Variants in CNTLN observed in about 807,000 individuals in gnomAD.
CNTLN encodes the protein centlein, centrosomal protein.
A neutral mutation model predicts 180.0 loss-of-function variants in CNTLN; 212 were observed. The observed-to-expected ratio is 1.18, with a 90% CI of 1.05 to 1.32. CNTLN has a LOEUF of 1.32. Ranked by LOEUF, CNTLN falls within the 40% of genes most tolerant of loss-of-function variation. The pLI is 0.00. For missense variants in CNTLN, 2,095 were observed against 1,610.9 expected, an observed-to-expected ratio of 1.30 and a Z score of -5.14; for synonymous variants, 722 against 563.1, an observed-to-expected ratio of 1.28 and a Z score of -3.99.
intron 3 of CNTLN, among the ~76,000 whole-genome samples, chr9:17,233,438 C>T (rs1456953768): frequency 6.6e-6 from 1 of 151,944 alleles, no homozygotes; most frequent in Non-Finnish European, 1.5e-5. Context: ...GTGCCTATTA[C>T]CTTGATATTT....
At chr9:17,166,740 A>G (rs1022620410) in intron 2 of CNTLN, 5 of 266,258 alleles carry the variant, frequency 1.9e-5, no homozygotes, top group Admixed American at 5.8e-5. Flanking sequence ...AACCAGCCAG[A>G]TATTAATCAA....
chr9:17,257,082 C>T lies in CNTLN; in HGVS notation c.850-16651C>T, dbSNP rs537620790. Among the ~76,000 whole-genome samples the T allele has an allele frequency of 1.1e-4, 16 of 151,988 alleles. No individual in the cohort carries two copies. The South Asian group carries it at 1.7e-3, about 16-fold the overall frequency. ...TGCTGGTGCACTGCACCCACTAACT[C>T]GTCATCTAGCATTAGGTATATCTCC... On this transcript the variant is annotated intron_variant, in intron 5 of 25. Coordinates refer to ENST00000380647, the MANE Select transcript of CNTLN (RefSeq NM_017738.4).
intron 8 of CNTLN, among the ~76,000 whole-genome samples, chr9:17,320,665 G>C (rs1397568601): frequency 1.3e-5 from 2 of 152,000 alleles, no homozygotes; most frequent in Non-Finnish European, 2.9e-5. Flanking sequence ...TCCACACCTG[G>C]CTAGTTTTTG....
intron 3 of CNTLN, among the ~76,000 whole-genome samples, chr9:17,235,174 A>G (rs568072388): frequency 6.6e-6 from 1 of 152,320 alleles, no homozygotes; most frequent in East Asian, 1.9e-4. Context: ...TTAACATTCT[A>G]AATATTCTGT....
rs1156481627 is a variant in CNTLN at position 17,424,267 on chromosome 9, A to C, written c.3114+8078A>C. On this transcript the variant is annotated intron_variant, in intron 18 of 25. Transcript: ENST00000380647. ...AAGGGATAGAAATAGGGTAAGGCAG[A>C]CTATATTGACTTACTCTTCCAGTTT... 2.6e-5 allele frequency among the ~76,000 whole-genome samples: 4 copies of C among 152,208 alleles called. No individual in the cohort carries two copies. In the East Asian group the frequency reaches 5.8e-4, roughly 22 times the overall value.
rs575962241 is a variant in CNTLN, at chr9:17,427,599, A to G, written c.3114+11410A>G. Among the ~76,000 whole-genome samples the G allele has an allele frequency of 4.6e-5, 7 of 152,308 alleles. No homozygotes were observed. In the South Asian group the frequency reaches 1.0e-3, roughly 23 times the overall value. ...ACAAAGACAAATCATACTAATACAT[A>G]TAGGCATGACAGTTCAATACTATTC... On this transcript the variant is annotated intron_variant, in intron 18 of 25. Coordinates refer to ENST00000380647, the MANE Select transcript of CNTLN (RefSeq NM_017738.4).
intron 8 of CNTLN, among the ~76,000 whole-genome samples, chr9:17,315,728 T>C (rs116821572): frequency 2.6e-3 from 395 of 152,164 alleles, no homozygotes; most frequent in African/African-American, 8.8e-3. Context: ...CATTCTCTTT[T>C]CTGTTGTGGT....
chr9:17,487,361 C>T lies in CNTLN; in HGVS notation c.4119+295C>T, dbSNP rs960375098. Among the ~76,000 whole-genome samples, 5 of 152,102 alleles carry T rather than the reference C, an allele frequency of 3.3e-5. No homozygotes were observed. In the East Asian group the frequency reaches 7.7e-4, roughly 23 times the overall value. Reference sequence around the variant, plus strand: ...GAAAAGGATCCATTCTCCCAGACCTCTTAGGAAAAGAGATTCTTTATTATG... The same window carrying T: ...GAAAAGGATCCATTCTCCCAGACCTTTTAGGAAAAGAGATTCTTTATTATG... On this transcript the variant is annotated intron_variant, in intron 25 of 25. Coordinates refer to ENST00000380647, the MANE Select transcript of CNTLN (RefSeq NM_017738.4).
chr9:17,306,146 ATTTTT>A (rs572150057), intron 7 of CNTLN, among the ~76,000 whole-genome samples: 4 of 128,006 alleles, frequency 3.1e-5, no homozygotes, highest in Non-Finnish European at 3.3e-5. Flanking sequence ...TTAGTCGTCT[ATTTTT>A]TTTTTTTTTT....
intron 10 of CNTLN, among the ~76,000 whole-genome samples, chr9:17,335,257 G>A (rs553249145): frequency 6.6e-6 from 1 of 152,156 alleles, no homozygotes; most frequent in Non-Finnish European, 1.5e-5. Context: ...GGTGGCTCAC[G>A]CCTGTAATCC....
chr9:17,379,529 A>T (rs1168078815), intron 13 of CNTLN, among the ~76,000 whole-genome samples: 2 of 152,162 alleles, frequency 1.3e-5, no homozygotes, highest in Non-Finnish European at 1.5e-5. Flanking sequence ...TGTAAGCAGT[A>T]AGCTGGGGTA....
intron 8 of CNTLN, among the ~76,000 whole-genome samples, chr9:17,324,103 T>C (rs1157176694): frequency 6.6e-6 from 1 of 152,222 alleles, no homozygotes; most frequent in African/African-American, 2.4e-5. Context: ...ATAACAAGCA[T>C]AGTCCCTTGC....
chr9:17,451,050 T>C (rs1830750488), intron 18 of CNTLN, among the ~76,000 whole-genome samples: 1 of 152,190 alleles, frequency 6.6e-6, no homozygotes, highest in Non-Finnish European at 1.5e-5. Context: ...TACATTTGAA[T>C]TGACTGTGAA....
intron 6 of CNTLN, among the ~76,000 whole-genome samples, chr9:17,290,555 C>G (rs941148279): frequency 6.4e-5 from 9 of 141,172 alleles, no homozygotes; most frequent in Non-Finnish European, 9.4e-5. Flanking sequence ...AGCTTCCTGG[C>G]TGCTTTGTTT....
At chr9:17,312,455 C>T (rs1184468886) in intron 8 of CNTLN, among the ~76,000 whole-genome samples, 3 of 147,196 alleles carry the variant, frequency 2.0e-5, no homozygotes, top group East Asian at 2.0e-4. Flanking sequence ...GGCGCGATCT[C>T]GGCTCACTGC....
chr9:17,256,101 C>A (rs1826469609), intron 5 of CNTLN, among the ~76,000 whole-genome samples: 1 of 151,736 alleles, frequency 6.6e-6, no homozygotes, highest in Non-Finnish European at 1.5e-5. Flanking sequence ...ATTTTTTTAA[C>A]TGCTACATAG....
At chr9:17,369,251 G>A (rs1318129721) in intron 13 of CNTLN, among the ~76,000 whole-genome samples, 1 of 152,040 alleles carries the variant, frequency 6.6e-6, no homozygotes, top group Non-Finnish European at 1.5e-5. Context: ...AAGGTGCCTT[G>A]CTTCCCCTTC....
chr9:17,440,462 G>A (rs374628562), intron 18 of CNTLN, among the ~76,000 whole-genome samples: 12 of 150,132 alleles, frequency 8.0e-5, no homozygotes, highest in Admixed American at 1.3e-4. Flanking sequence ...AGTGGCAGGC[G>A]CCTGTAATCC....
intron 7 of CNTLN, among the ~76,000 whole-genome samples, chr9:17,305,080 TTAACAC>T (rs1267280834): frequency 6.6e-6 from 1 of 152,170 alleles, no homozygotes; most frequent in South Asian, 2.1e-4. Context: ...ATTTAGTTCT[TTAACAC>T]TAATAAAATA....
Sources: allele counts gnomAD v4.1 joint callset (sites outside exome capture counted in the v4.1 genomes callset), GRCh38; gene constraint gnomAD v4.1.1; transcripts MANE v1.5; gene names NCBI Gene and HGNC (gene_info 2026-07-23, HGNC 2026-07-21).